SOX6: variants seen among roughly 807,000 people sequenced by gnomAD.
SOX6 encodes transcription factor SOX-6.
SOX6 carries 11 observed loss-of-function variants against 97.8 expected under a neutral mutation model. The ratio of observed to expected loss-of-function variants is 0.11; its 90% CI spans 0.07 to 0.19. The LOEUF is 0.19. Among genes scored for constraint, SOX6 ranks in the 10% least tolerant of loss-of-function variants. The pLI is 1.00. For synonymous variants in SOX6, 360 were observed against 371.4 expected (o/e 0.97, Z 0.35); for missense variants, 810 against 1,039.5 (o/e 0.78, Z 3.04).
At chr11:16,676,515 T>C (rs1446330534) in intron 3 of SOX6, among the ~76,000 whole-genome samples, 1 of 152,234 alleles carries the variant, frequency 6.6e-6, no homozygotes, top group East Asian at 1.9e-4. Flanking sequence ...TAATGTGAAA[T>C]CTCTGGAAAT....
At chr11:16,484,308 A>T in intron 4 of SOX6, 1 of 1,056,982 alleles carries the variant, frequency 9.5e-7, no homozygotes, top group Non-Finnish European at 1.5e-6. Flanking sequence ...AATGGGGAAA[A>T]TTCCCTCCCA....
At chr11:16,678,935 T>C (rs943966427) in intron 3 of SOX6, among the ~76,000 whole-genome samples, 3 of 152,012 alleles carry the variant, frequency 2.0e-5, no homozygotes, top group African/African-American at 7.2e-5. Context: ...CAGTAGGCAG[T>C]TTTATGCTCA....
At chr11:16,077,303 G>A (rs967519811) in intron 9 of SOX6, among the ~76,000 whole-genome samples, 2 of 152,130 alleles carry the variant, frequency 1.3e-5, no homozygotes, top group African/African-American at 2.4e-5. Context: ...CAGTCAGAAT[G>A]ACTATTATTA....
intron 3 of SOX6, among the ~76,000 whole-genome samples, chr11:16,250,849 T>A (rs1251772985): frequency 6.6e-6 from 1 of 152,130 alleles, no homozygotes; most frequent in African/African-American, 2.4e-5. Context: ...AACATTACAC[T>A]CAACAATTAC....
At chr11:16,366,185 A>G (rs1459561465) in intron 1 of SOX6, among the ~76,000 whole-genome samples, 3 of 152,116 alleles carry the variant, frequency 2.0e-5, no homozygotes, top group South Asian at 2.1e-4. Flanking sequence ...ATTGTTCAGA[A>G]TGTCCTTTGG....
chr11:16,710,412 TA>T (rs1393841567), intron 3 of SOX6, among the ~76,000 whole-genome samples: 1 of 152,200 alleles, frequency 6.6e-6, no homozygotes, highest in African/African-American at 2.4e-5. Flanking sequence ...ATACAACTAA[TA>T]AGTGGACGAG....
At chr11:16,112,303 G>A (rs1417434302) in intron 6 of SOX6, among the ~76,000 whole-genome samples, 4 of 152,036 alleles carry the variant, frequency 2.6e-5, no homozygotes, top group Non-Finnish European at 5.9e-5. Flanking sequence ...TTTGCATTCT[G>A]TGCTTTCTTT....
chr11:16,164,861 C>T (rs76931699), intron 6 of SOX6, among the ~76,000 whole-genome samples: 1 of 151,592 alleles, frequency 6.6e-6, no homozygotes, highest in East Asian at 1.9e-4. Context: ...AAAAGAAAGT[C>T]CACAGAGAGA....
At chr11:16,057,742 C>A (rs553277990) in intron 9 of SOX6, among the ~76,000 whole-genome samples, 16 of 152,220 alleles carry the variant, frequency 1.1e-4, no homozygotes, top group African/African-American at 3.9e-4. Context: ...ATATTCTTCT[C>A]ACTTAGTTGT....
chr11:16,115,616 A>C (rs562318742), intron 6 of SOX6, among the ~76,000 whole-genome samples: 49 of 152,312 alleles, frequency 3.2e-4, no homozygotes, highest in African/African-American at 1.1e-3. Context: ...ACACATAGGA[A>C]AACAGGTGGC....
intron 3 of SOX6, among the ~76,000 whole-genome samples, chr11:16,693,823 A>G (rs1436564863): frequency 6.6e-6 from 1 of 152,184 alleles, no homozygotes; most frequent in African/African-American, 2.4e-5. Context: ...TATTATCTAC[A>G]TATAATGAGG....
At chr11:15,984,291 A>G (rs1480151357) in intron 15 of SOX6, among the ~76,000 whole-genome samples, 1 of 152,192 alleles carries the variant, frequency 6.6e-6, no homozygotes, top group African/African-American at 2.4e-5. Context: ...ATTCAATAGT[A>G]TTACTGCAAC....
At chr11:16,368,346 G>T (rs1857410875) in intron 1 of SOX6, among the ~76,000 whole-genome samples, 1 of 152,104 alleles carries the variant, frequency 6.6e-6, no homozygotes, top group Admixed American at 6.6e-5. Context: ...GCTAGGCATG[G>T]TGGCACACAC....
intron 3 of SOX6, among the ~76,000 whole-genome samples, chr11:16,668,436 T>C (rs1387548980): frequency 1.3e-5 from 2 of 151,994 alleles, no homozygotes; most frequent in Non-Finnish European, 2.9e-5. Context: ...AATTAAAAAT[T>C]ATCATCTGAG....
At chr11:16,441,664 T>C (rs531811664) in intron 1 of SOX6, among the ~76,000 whole-genome samples, 1 of 152,314 alleles carries the variant, frequency 6.6e-6, no homozygotes, top group Non-Finnish European at 1.5e-5. Flanking sequence ...TAAACAGTGA[T>C]GTTTAGAAAA....
Position 16,345,389 on chromosome 11 carries a change from T to C in SOX6, c.-4-4137A>G, listed in dbSNP as rs181964312. Among the ~76,000 whole-genome samples, 34 of 152,050 alleles carry C rather than the reference T, an allele frequency of 2.2e-4. 1 individual carries two copies. The East Asian group carries it at 5.2e-3, about 23-fold the overall frequency. The stretch of plus-strand genomic sequence containing the variant: ...AGTTTAAAATGTCTCTGCCCAACAA[T>C]CAAGTGAACTCCCAGGATGCCAGGC... On this transcript the variant is annotated intron_variant, in intron 1 of 15. Transcript: ENST00000683767.
At chr11:16,050,046 C>T in intron 10 of SOX6, 108 bp from the exon 11 acceptor site, 6 of 1,130,370 alleles carry the variant, frequency 5.3e-6, no homozygotes, top group Non-Finnish European at 8.0e-6. Context: ...CCACATTCTC[C>T]TACAATAATA....
rs1166190735 is a variant in SOX6 at position 16,235,364 on chromosome 11, A to G, written c.446-693T>C. On this transcript the variant is annotated intron_variant, in intron 3 of 15. Coordinates refer to ENST00000683767, the MANE Select transcript of SOX6 (RefSeq NM_001367873.1). Reference sequence around the variant, plus strand: ...ACAGGGAGTAATTACACTTGTTTTTATCAAGATTCATAAAGACTACAGAAA... The same window carrying G: ...ACAGGGAGTAATTACACTTGTTTTTGTCAAGATTCATAAAGACTACAGAAA... Among the ~76,000 whole-genome samples the G allele has an allele frequency of 2.0e-5, 3 of 152,068 alleles. No individual in the cohort carries two copies. In the East Asian group the frequency reaches 5.8e-4, roughly 29 times the overall value.
At chr11:16,186,734 C>G in intron 5 of SOX6, 49 bp downstream of exon 5, 1 of 1,595,442 alleles carries the variant, frequency 6.3e-7, no homozygotes, top group Non-Finnish European at 8.6e-7. Context: ...CTCTCTGAGC[C>G]TGGCACATTC....
Sources: gnomAD v4.1 joint callset for allele counts (sites outside exome capture counted in the v4.1 genomes callset) on GRCh38, gnomAD v4.1.1 for gene constraint, MANE v1.5 for transcripts, NCBI Gene and HGNC (gene_info 2026-07-23, HGNC 2026-07-21) for gene names.